TOPBP1: variants seen among roughly 807,000 people sequenced by gnomAD.
TOPBP1 encodes DNA topoisomerase 2-binding protein 1.
In TOPBP1, 28 loss-of-function variants were observed where a neutral mutation model predicts 167.7. The observed-to-expected ratio is 0.17, with a 90% CI of 0.12 to 0.23. The LOEUF (loss-of-function observed/expected upper bound fraction) is 0.23, where lower values mean the gene tolerates loss of function less well. Among genes scored for constraint, TOPBP1 ranks in the 10% least tolerant of loss-of-function variants. The probability of loss-of-function intolerance (pLI) is 1.00; values close to 1 mark genes in which losing one functional copy is unlikely to be tolerated. For missense variants in TOPBP1, 1,554 were observed against 1,809.6 expected (o/e 0.86, Z 2.56); for synonymous variants, 598 against 611.4 (o/e 0.98, Z 0.32).
chr3:133,658,590 G>A (rs1936568062), intron 3 of TOPBP1, among the ~76,000 whole-genome samples: 1 of 151,890 alleles, frequency 6.6e-6, no homozygotes, highest in African/African-American at 2.4e-5. Flanking sequence ...GATCACTTGA[G>A]TGCAGGAGTT....
chr3:133,609,150 A>G (rs1934594234), intron 25 of TOPBP1, among the ~76,000 whole-genome samples, 188 bp from the exon 26 acceptor site: 3 of 152,244 alleles, frequency 2.0e-5, no homozygotes, highest in Admixed American at 2.0e-4. Context: ...ATAGTAGGCC[A>G]TCAAGAAATA....
At chr3:133,603,464 C>A (rs1934379910) in intron 27 of TOPBP1, among the ~76,000 whole-genome samples, 1 of 152,076 alleles carries the variant, frequency 6.6e-6, no homozygotes, top group African/African-American at 2.4e-5. Flanking sequence ...TATATCCTAT[C>A]TACAAGAAAG....
At chr3:133,639,741 T>C (rs1017009197) in intron 13 of TOPBP1, among the ~76,000 whole-genome samples, 7 of 152,118 alleles carry the variant, frequency 4.6e-5, no homozygotes, top group Admixed American at 2.6e-4. Context: ...AGAGATAGCA[T>C]GTTAATTATA....
chr3:133,648,498 G>A (rs1398184826), intron 10 of TOPBP1, among the ~76,000 whole-genome samples: 1 of 152,186 alleles, frequency 6.6e-6, no homozygotes, highest in Non-Finnish European at 1.5e-5. Flanking sequence ...GGCTAGTTGT[G>A]ATCATTAAAG....
chr3:133,656,542 C>A (rs1280197709), intron 5 of TOPBP1, 134 bp downstream of exon 5: 7 of 847,978 alleles, frequency 8.3e-6, no homozygotes, highest in Non-Finnish European at 1.2e-5. Context: ...TCTGCTCTTC[C>A]GTTTTCGCTG....
At chr3:133,602,306 C>T (rs918482916) in intron 27 of TOPBP1, among the ~76,000 whole-genome samples, 9 of 152,148 alleles carry the variant, frequency 5.9e-5, no homozygotes, top group Non-Finnish European at 1.2e-4. Flanking sequence ...GCAAAACTGT[C>T]CTTCAACAAT....
chr3:133,640,270 A>G (rs79417893), intron 12 of TOPBP1, 100 bp from the exon 13 acceptor site: 1 of 999,332 alleles, frequency 1.0e-6, no homozygotes, highest in Non-Finnish European at 1.5e-6. Flanking sequence ...AGATCATGTA[A>G]GTATAAAAAA....
At chr3:133,639,920 T>C in intron 13 of TOPBP1, 39 bp downstream of exon 13, 1 of 1,578,442 alleles carries the variant, frequency 6.3e-7, no homozygotes, top group Admixed American at 1.7e-5. Context: ...AACCATCTAG[T>C]TGTAAATATA....
intron 2 of TOPBP1, 67 bp downstream of exon 2, chr3:133,660,977 C>G (rs1226514736): frequency 2.5e-6 from 3 of 1,207,130 alleles, no homozygotes; most frequent in Admixed American, 6.1e-5. Flanking sequence ...ACATAAAGCC[C>G]AACAAATCAA....
chr3:133,660,828 C>T (rs1936678096), intron 2 of TOPBP1, among the ~76,000 whole-genome samples: 1 of 152,096 alleles, frequency 6.6e-6, no homozygotes, highest in South Asian at 2.1e-4. Flanking sequence ...CCATATTAAA[C>T]AGCAATGTGA....
intron 27 of TOPBP1, among the ~76,000 whole-genome samples, chr3:133,602,765 C>T (rs891398356): frequency 6.6e-6 from 1 of 152,072 alleles, no homozygotes; most frequent in Non-Finnish European, 1.5e-5. Flanking sequence ...TGTTTTCCAA[C>T]AAACCTTTAT....
intron 19 of TOPBP1, among the ~76,000 whole-genome samples, chr3:133,621,793 G>A (rs1336957652): frequency 2.0e-5 from 3 of 152,112 alleles, no homozygotes; most frequent in Non-Finnish European, 4.4e-5. Context: ...GCTTTGGTAG[G>A]TTAGAATGAG....
In TOPBP1 at chr3:133,641,170, A is replaced by G. The variant is rs147862240; in HGVS notation, c.2022-1000T>C. Among the ~76,000 whole-genome samples, 3 of 152,248 alleles carry G rather than the reference A, an allele frequency of 2.0e-5. No homozygotes were observed. In the East Asian group the frequency reaches 5.8e-4, roughly 29 times the overall value. On this transcript the variant is annotated intron_variant, in intron 12 of 27. Coordinates refer to ENST00000260810, the MANE Select transcript of TOPBP1 (RefSeq NM_007027.4). Reference sequence around the variant, plus strand: ...ACCAATCCATTCAGTACTTATTTAGATATGAGATACTGCTCCAACTTTAAT... The same window carrying G: ...ACCAATCCATTCAGTACTTATTTAGGTATGAGATACTGCTCCAACTTTAAT...
chr3:133,622,878 G>A (rs576642268), intron 19 of TOPBP1, among the ~76,000 whole-genome samples: 2 of 152,056 alleles, frequency 1.3e-5, no homozygotes, highest in African/African-American at 4.8e-5. Flanking sequence ...GATCAGCATG[G>A]GACCACAAAT....
intron 14 of TOPBP1, among the ~76,000 whole-genome samples, chr3:133,632,730 T>C (rs1935528432): frequency 6.6e-6 from 1 of 152,146 alleles, no homozygotes; most frequent in Non-Finnish European, 1.5e-5. Context: ...CTCATCTGCA[T>C]CATCAATTGG....
At position 133,649,369 on chromosome 3, in the gene TOPBP1, C is replaced by G; in HGVS notation, c.1504+14G>C. The stretch of plus-strand genomic sequence containing the variant: ...TTTCTTACTAACTACAAATACTAAT[C>G]AAGCATTTCTTACCTACTGTGGAGC... On this transcript the variant is annotated intron_variant, in intron 10 of 27. Coordinates refer to ENST00000260810, the MANE Select transcript of TOPBP1 (RefSeq NM_007027.4). 1 of 1,607,840 alleles carries G rather than the reference C, an allele frequency of 6.2e-7. No homozygotes were observed. The highest frequency in any genetic ancestry group is 8.5e-7 in the Non-Finnish European group (1 of 1,178,080).
At chr3:133,650,236 T>C (rs1936239462) in intron 8 of TOPBP1, among the ~76,000 whole-genome samples, 1 of 152,102 alleles carries the variant, frequency 6.6e-6, no homozygotes, top group African/African-American at 2.4e-5. Flanking sequence ...TATTAGTGCA[T>C]ACCAATTCCT....
intron 11 of TOPBP1, 125 bp from the exon 12 acceptor site, chr3:133,643,497 T>C: frequency 1.4e-6 from 1 of 694,256 alleles, no homozygotes. Flanking sequence ...TACAAACTTG[T>C]GTATGCTCAT....
intron 27 of TOPBP1, among the ~76,000 whole-genome samples, chr3:133,604,328 G>C (rs1934418522): frequency 6.6e-6 from 1 of 151,454 alleles, no homozygotes; most frequent in Non-Finnish European, 1.5e-5. Context: ...GTAGAGACAG[G>C]GTTTCGCTAT....
Sources: gnomAD v4.1 joint callset for allele counts (sites outside exome capture counted in the v4.1 genomes callset) on GRCh38, gnomAD v4.1.1 for gene constraint, MANE v1.5 for transcripts, NCBI Gene and HGNC (gene_info 2026-07-23, HGNC 2026-07-21) for gene names.